GRM8: variants seen among roughly 807,000 people sequenced by gnomAD.
GRM8 encodes the protein metabotropic glutamate receptor 8.
GRM8 carries 47 observed loss-of-function variants against 87.2 expected under a neutral mutation model. That is an observed-to-expected ratio of 0.54 (90% CI 0.43 to 0.69). GRM8 has a LOEUF of 0.69. GRM8 is among the 30% of genes least tolerant of loss of function. The pLI is 0.00. For synonymous variants in GRM8, 396 were observed against 404.5 expected (o/e 0.98, Z 0.25); for missense variants, 1,019 against 1,139.2 (o/e 0.89, Z 1.52).
intron 6 of GRM8, among the ~76,000 whole-genome samples, chr7:126,899,737 C>CTTTT (rs5887317): frequency 4.0e-5 from 6 of 148,332 alleles, no homozygotes; most frequent in Admixed American, 1.3e-4. Context: ...GTTATCCCTT[C>CTTTT]TTTTTTTTTT....
chr7:126,672,888 G>T (rs1055193774), intron 7 of GRM8, among the ~76,000 whole-genome samples: 20 of 152,120 alleles, frequency 1.3e-4, no homozygotes, highest in African/African-American at 4.8e-4. Flanking sequence ...GGCCTCTGAG[G>T]GTGATCTGCC....
At chr7:126,736,980 C>A (rs953563723) in intron 7 of GRM8, among the ~76,000 whole-genome samples, 1 of 152,008 alleles carries the variant, frequency 6.6e-6, no homozygotes, top group African/African-American at 2.4e-5. Context: ...CTGTCCTGTC[C>A]CTTTGGGAGG....
At chr7:126,984,129 T>C (rs1232452300) in intron 3 of GRM8, among the ~76,000 whole-genome samples, 1 of 152,228 alleles carries the variant, frequency 6.6e-6, no homozygotes, top group African/African-American at 2.4e-5. Flanking sequence ...TGGAATAGCA[T>C]TTGGCTTGGG....
At chr7:126,956,685 T>C (rs1428105242) in intron 3 of GRM8, among the ~76,000 whole-genome samples, 1 of 152,218 alleles carries the variant, frequency 6.6e-6, no homozygotes, top group East Asian at 1.9e-4. Flanking sequence ...TTGACTTCTT[T>C]ATTATTTTCT....
At chr7:127,217,804 T>C (rs183395255) in intron 2 of GRM8, among the ~76,000 whole-genome samples, 412 of 152,332 alleles carry the variant, frequency 2.7e-3, no homozygotes, top group Non-Finnish European at 4.7e-3. Flanking sequence ...TTTTTAATGA[T>C]TAAGAGATAG....
chr7:126,758,450 C>T (rs552506887), intron 7 of GRM8, among the ~76,000 whole-genome samples: 4 of 152,158 alleles, frequency 2.6e-5, no homozygotes, highest in South Asian at 4.2e-4. Flanking sequence ...GAAAAGTTCA[C>T]GATCCTAGCC....
chr7:127,206,154 A>T (rs1795900089), intron 2 of GRM8, among the ~76,000 whole-genome samples: 1 of 152,206 alleles, frequency 6.6e-6, no homozygotes, highest in Admixed American at 6.5e-5. Context: ...GCTCTTCCTC[A>T]ACCTCTACCT....
intron 3 of GRM8, among the ~76,000 whole-genome samples, chr7:127,045,855 T>A (rs1818873955): frequency 6.6e-6 from 1 of 152,212 alleles, no homozygotes; most frequent in Non-Finnish European, 1.5e-5. Flanking sequence ...GTTTCACAAT[T>A]GTCTGGCTAC....
At chr7:126,610,531 T>C (rs1798817126) in intron 7 of GRM8, among the ~76,000 whole-genome samples, 1 of 152,198 alleles carries the variant, frequency 6.6e-6, no homozygotes, top group African/African-American at 2.4e-5. Context: ...CTCTGTCTCA[T>C]ACTGTATTCT....
intron 2 of GRM8, among the ~76,000 whole-genome samples, chr7:127,206,125 C>T (rs923314125): frequency 6.6e-6 from 1 of 152,190 alleles, no homozygotes; most frequent in Admixed American, 6.5e-5. Flanking sequence ...TTTCTCCACC[C>T]AAATGCTGTG....
At chr7:126,741,769 C>A (rs1016114494) in intron 7 of GRM8, among the ~76,000 whole-genome samples, 9 of 152,002 alleles carry the variant, frequency 5.9e-5, no homozygotes, top group Admixed American at 2.6e-4. Context: ...ATAATAGGAG[C>A]CACTTTCACA....
chr7:127,251,104 G>C (rs1021326904), intron 1 of GRM8: 5 of 152,322 alleles, frequency 3.3e-5, no homozygotes, highest in Admixed American at 1.3e-4. Flanking sequence ...CTCCCTCCCG[G>C]GGTGGGACTT....
intron 7 of GRM8, among the ~76,000 whole-genome samples, chr7:126,718,041 GC>G (rs1811948411): frequency 6.6e-6 from 1 of 151,806 alleles, no homozygotes; most frequent in Non-Finnish European, 1.5e-5. Flanking sequence ...GACCACCCTG[GC>G]CAACACGGTG....
At chr7:127,094,179 T>G (rs1824423979) in intron 3 of GRM8, among the ~76,000 whole-genome samples, 1 of 152,220 alleles carries the variant, frequency 6.6e-6, no homozygotes. Context: ...AAGTACAGAT[T>G]GCATCTTAAA....
chr7:126,517,873 A>T (rs953720906), intron 9 of GRM8, among the ~76,000 whole-genome samples: 2 of 152,094 alleles, frequency 1.3e-5, no homozygotes, highest in African/African-American at 4.8e-5. Flanking sequence ...CGTCACCTAT[A>T]TGGTTTCCAT....
intron 2 of GRM8, among the ~76,000 whole-genome samples, chr7:127,133,512 C>G (rs1269735295): frequency 6.6e-6 from 1 of 151,624 alleles, no homozygotes; most frequent in Non-Finnish European, 1.5e-5. Context: ...CGAGACCATC[C>G]TGGCTAACGC....
At chr7:126,815,535 G>A (rs1793705909) in intron 6 of GRM8, among the ~76,000 whole-genome samples, 1 of 152,020 alleles carries the variant, frequency 6.6e-6, no homozygotes, top group Admixed American at 6.6e-5. Context: ...CTAATTTCTT[G>A]TTGGCTAGCC....
rs139489294 is a variant in GRM8 at position 127,189,083 on chromosome 7, C to T, written c.510+53612G>A. Among the ~76,000 whole-genome samples, 538 of 152,322 alleles carry T rather than the reference C, an allele frequency of 3.5e-3. 3 individuals carry two copies. Among genetic ancestry groups the T allele is most frequent in the African/African-American group, 0.012 (502 of 41,572 alleles). On this transcript the variant is annotated intron_variant, in intron 2 of 10. Coordinates refer to ENST00000339582, the MANE Select transcript of GRM8 (RefSeq NM_000845.3). ...TTTGGATTGTAGTCAAACATCTACC[C>T]TCAGTGTTCTCTTTCCAGTGTGGCA...
intron 2 of GRM8, among the ~76,000 whole-genome samples, chr7:127,208,197 T>C (rs1796020921): frequency 6.6e-6 from 1 of 152,180 alleles, no homozygotes; most frequent in Non-Finnish European, 1.5e-5. Flanking sequence ...GGCCTAATTG[T>C]AAGACACTTA....
Sources: gnomAD v4.1 joint callset for allele counts (sites outside exome capture counted in the v4.1 genomes callset) on GRCh38, gnomAD v4.1.1 for gene constraint, MANE v1.5 for transcripts, NCBI Gene and HGNC (gene_info 2026-07-23, HGNC 2026-07-21) for gene names.